The following CA2 variants were observed in gnomAD, a reference collection of about 807,000 sequenced individuals.
The protein encoded by CA2 is carbonic anhydrase 2.
Under a neutral mutation model 27.8 loss-of-function variants are expected in CA2, and 23 were observed. That is an observed-to-expected ratio of 0.83 (90% CI 0.59 to 1.17). CA2 has a LOEUF of 1.17. CA2 is among the 50% of genes most tolerant of loss of function. CA2 has a pLI of 0.00. For synonymous variants in CA2, 99 were observed against 114.9 expected, an observed-to-expected ratio of 0.86 and a Z score of 0.88; for missense variants, 300 against 314.7, an observed-to-expected ratio of 0.95 and a Z score of 0.35.
At chr8:85,475,590 T>A (rs1811785253) in intron 4 of CA2, among the ~76,000 whole-genome samples, 1 of 151,876 alleles carries the variant, frequency 6.6e-6, no homozygotes, top group Non-Finnish European at 1.5e-5. Context: ...ACTCTCTGAG[T>A]GGAATTAGAG....
intron 2 of CA2, among the ~76,000 whole-genome samples, chr8:85,468,451 A>C (rs776579802): frequency 2.4e-4 from 36 of 152,220 alleles, no homozygotes; most frequent in Non-Finnish European, 4.6e-4. Context: ...CTACAGAATA[A>C]ATTTTTAAAA....
intron 4 of CA2, chr8:85,474,670 GACTGCTAGGTGTTTGTTTGTTTTCTTTTC>G: frequency 2.0e-6 from 1 of 494,234 alleles, no homozygotes; most frequent in South Asian, 2.1e-5. Flanking sequence ...CAACTTGGGT[GACTGCTAGGTGTTTGTTTGTTTTCTTTTC>G]ATTTAACCTG....
At chr8:85,474,791 A>C (rs1811767158) in intron 4 of CA2, among the ~76,000 whole-genome samples, 2 of 152,176 alleles carry the variant, frequency 1.3e-5, no homozygotes, top group African/African-American at 4.8e-5. Context: ...CAACAGTGGG[A>C]CAGAACCGGT....
rs376154192 is a variant in CA2, at chr8:85,472,549, G to T, written c.233-1144G>T. ...ACATTAATGCCAGAATAGTAGAATC[G>T]TGGAATAGTTATCAAGTTAGAATTT... On this transcript the variant is annotated intron_variant, in intron 2 of 6. Coordinates refer to ENST00000285379, the MANE Select transcript of CA2 (RefSeq NM_000067.3). 1.8e-4 allele frequency among the ~76,000 whole-genome samples: 27 copies of T among 152,222 alleles called. No individual in the cohort carries two copies. In the South Asian group the frequency reaches 3.5e-3, roughly 20 times the overall value.
chr8:85,464,812 C>T (rs1010055545), intron 1 of CA2: 5 of 170,274 alleles, frequency 2.9e-5, no homozygotes, highest in Non-Finnish European at 6.3e-5. Flanking sequence ...GTGGGGCTTC[C>T]CAGGTAGTGG....
At position 85,468,368 on chromosome 8, in the gene CA2, C is replaced by A. The variant is rs962222952; in HGVS notation, c.232+2899C>A. Among the ~76,000 whole-genome samples the A allele has an allele frequency of 7.2e-5, 11 of 152,326 alleles. No homozygotes were observed. In the East Asian group the frequency reaches 1.7e-3, roughly 24 times the overall value. On this transcript the variant is annotated intron_variant, in intron 2 of 6. Coordinates refer to ENST00000285379, the MANE Select transcript of CA2 (RefSeq NM_000067.3). ...TCCTTTGTAATTTTGCCTCTCTTTT[C>A]CACATTTTCAGTTACTTTGGTTAAA... is the stretch of plus-strand genomic sequence containing the variant.
At position 85,465,400 on chromosome 8, in the gene CA2, A is replaced by G; in HGVS notation, c.163A>G (p.Thr55Ala). 6.2e-7 allele frequency: 1 copy of G among 1,614,172 alleles called. No individual in the cohort carries two copies. The change falls in exon 2 of 7, where the codon ACT (threonine) becomes GCT (alanine). Residue 55 changes from threonine (T) to alanine (A), a missense_variant. This residue lies in a region of CA2 where 122 missense variants were observed against 133.2 expected (regional missense o/e 0.92). Coordinates refer to ENST00000285379, the MANE Select transcript of CA2 (RefSeq NM_000067.3). ...CCTGTCTGTTTCCTATGATCAAGCA[A>G]CTTCCCTGAGGATCCTCAACAATGG... ...KPLSVSYDQA[T>A]SLRILNNGHA...
At chr8:85,468,093 G>A (rs1037192186) in intron 2 of CA2, among the ~76,000 whole-genome samples, 18 of 152,300 alleles carry the variant, frequency 1.2e-4, no homozygotes, top group Admixed American at 9.8e-4. Flanking sequence ...CAGAAAGGAA[G>A]TACTCCAAGG....
chr8:85,480,739 C>T lies in CA2; in HGVS notation c.733C>T (p.Arg245Cys), dbSNP rs745556921. The T allele has an allele frequency of 1.5e-5, 25 of 1,613,678 alleles. No homozygotes were observed. Among genetic ancestry groups the T allele is most frequent in the Admixed American group, 5.0e-5 (3 of 59,958 alleles). ...CGAAGAACTGATGGTGGACAACTGG[C>T]GCCCAGCTCAGCCACTGAAGAACAG... ...EPEELMVDNW[R>C]PAQPLKNRQI... The change falls in exon 7 of 7, where the codon CGC (arginine) becomes TGC (cysteine). Residue 245 changes from arginine (R) to cysteine (C), a missense_variant. Around this residue, in one of 3 missense-constraint regions of CA2, gnomAD observed 173 missense variants for 161.0 expected, o/e 1.07. Coordinates refer to ENST00000285379, the MANE Select transcript of CA2 (RefSeq NM_000067.3).
intron 3 of CA2, among the ~76,000 whole-genome samples, 165 bp from the exon 4 acceptor site, chr8:85,474,159 C>G (rs549686720): frequency 6.6e-6 from 1 of 152,250 alleles, no homozygotes; most frequent in Non-Finnish European, 1.5e-5. Context: ...ATACCAAGTA[C>G]TGTGTGGATG....
At chr8:85,472,413 A>G (rs1811724709) in intron 2 of CA2, among the ~76,000 whole-genome samples, 1 of 152,192 alleles carries the variant, frequency 6.6e-6, no homozygotes, top group Non-Finnish European at 1.5e-5. Context: ...TGGAAGAAAG[A>G]CTGATTTCAC....
chr8:85,467,456 A>C (rs1250151377), intron 2 of CA2, among the ~76,000 whole-genome samples: 6 of 152,220 alleles, frequency 3.9e-5, no homozygotes, highest in Admixed American at 3.9e-4. Context: ...TGGCGCATAG[A>C]AGTTGCTCAA....
At chr8:85,464,183 C>T in intron 1 of CA2, 68 bp downstream of exon 1, 1 of 1,423,186 alleles carries the variant, frequency 7.0e-7, no homozygotes, top group Non-Finnish European at 9.5e-7. Context: ...ATCCCCGAGC[C>T]CGGATGCCGG....
At chr8:85,480,245 G>A (rs575211947) in intron 6 of CA2, among the ~76,000 whole-genome samples, 1 of 152,114 alleles carries the variant, frequency 6.6e-6, no homozygotes, top group Non-Finnish European at 1.5e-5. Flanking sequence ...GTTGTGGAAT[G>A]TAATTTTTGT....
At chr8:85,464,218 T>G in intron 1 of CA2, 103 bp downstream of exon 1, 9 of 1,116,460 alleles carry the variant, frequency 8.1e-6, no homozygotes, top group South Asian at 4.6e-5. Flanking sequence ...CGCCCGCACA[T>G]GCTGTTTACC....
chr8:85,475,962 T>C, intron 5 of CA2, 102 bp downstream of exon 5: 1 of 900,544 alleles, frequency 1.1e-6, no homozygotes. Context: ...CAATGACATG[T>C]GGTGTTTGGA....
intron 4 of CA2, among the ~76,000 whole-genome samples, chr8:85,475,398 C>T (rs1167332449): frequency 1.6e-4 from 11 of 70,026 alleles, no homozygotes; most frequent in South Asian, 8.6e-4. Context: ...AAAAAAAAAG[C>T]GAGAGTCAAG....
At chr8:85,464,344 C>A in intron 1 of CA2, 1 of 450,222 alleles carries the variant, frequency 2.2e-6, no homozygotes, top group Non-Finnish European at 3.9e-6. Flanking sequence ...GTGGAGGAAT[C>A]CCCGCGTCCG....
chr8:85,473,021 T>TAAAG (rs1437102966), intron 2 of CA2, among the ~76,000 whole-genome samples: 2 of 142,348 alleles, frequency 1.4e-5, no homozygotes, highest in East Asian at 2.4e-4. Flanking sequence ...AATAAATAAA[T>TAAAG]AAATAAATAA....
Sources: allele counts gnomAD v4.1 joint callset (sites outside exome capture counted in the v4.1 genomes callset), GRCh38; gene constraint gnomAD v4.1.1; regional missense constraint gnomAD v4.1.1; transcripts MANE v1.5; gene names NCBI Gene and HGNC (gene_info 2026-07-23, HGNC 2026-07-21).